Variants in ZNF467 observed in about 807,000 individuals in gnomAD.
ZNF467 encodes the protein zinc finger protein 467, also known as zinc finger protein EZI.
Under a neutral mutation model 47.8 loss-of-function variants are expected in ZNF467, and 51 were observed. That is an observed-to-expected ratio of 1.07 (90% CI 0.85 to 1.35). The LOEUF is 1.35. Ranked by LOEUF, ZNF467 falls within the 40% of genes most tolerant of loss-of-function variation. ZNF467 has a pLI of 0.00. For synonymous variants in ZNF467, 416 were observed against 372.9 expected (o/e 1.12, Z -1.33); for missense variants, 992 against 858.1 (o/e 1.16, Z -1.95).
chr7:149,765,582 C>CGTGCGCACT lies in ZNF467; in HGVS notation c.911_919dup (p.Gln304_Ala306dup), dbSNP rs760312064. The CGTGCGCACT allele has an allele frequency of 1.3e-6, 2 of 1,595,592 alleles. No homozygotes were observed. The highest frequency in any genetic ancestry group is 1.8e-5 in the Admixed American group (1 of 56,834). ...CAAGTGCTGCTTGTGCGTGAAGCTG[C>CGTGCGCACT]GTGCGCACTGTGCGCACTGGTAGGG... On this transcript the variant is annotated inframe_insertion, in exon 5 of 5. Transcript: ENST00000302017.
upstream of ZNF467, chr7:149,776,175 G>GCCCCCCCCCCCCCCGGTACA: frequency 8.7e-7 from 1 of 1,149,286 alleles, no homozygotes; most frequent in Non-Finnish European, 1.1e-6. Context: ...CAGACTCCGT[G>GCCCCCCCCCCCCCCGGTACA]CCCCCCACCC....
chr7:149,773,001 C>A (rs1427750074), intron 1 of ZNF467, 107 bp downstream of exon 1: 1 of 150,004 alleles, frequency 6.7e-6, no homozygotes, highest in Non-Finnish European at 1.5e-5. Context: ...GCCGTCCGCG[C>A]CCCTACCCCC....
At position 149,765,424 on chromosome 7, in the gene ZNF467, A is replaced by C. The variant is rs1799154038; in HGVS notation, c.1078T>G (p.Cys360Gly). ...TTTTTCCAGCCGAAGCTCAAGCCGC[A>C]GTCGGAGCACGCGAAAGGCTTTGGC... ...PGPKPFACSD[C>G]GLSFGWKKNL... Residue 360 changes from cysteine (C) to glycine (G), a missense_variant, in exon 5 of 5, where the codon TGC becomes GGC. Physicochemically the swap from Cys to Gly is radical, Grantham distance 159 (BLOSUM62 -3). Transcript: ENST00000302017. The C allele has an allele frequency of 6.3e-7, 1 of 1,578,146 alleles. No individual in the cohort carries two copies. Among genetic ancestry groups the C allele is most frequent in the African/African-American group, 1.3e-5 (1 of 74,464 alleles).
At chr7:149,771,900 C>T (rs1799426569) in intron 1 of ZNF467, among the ~76,000 whole-genome samples, 1 of 150,562 alleles carries the variant, frequency 6.6e-6, no homozygotes, top group East Asian at 2.0e-4. Flanking sequence ...AGGCCCCGTC[C>T]GGGTCGGCCC....
At chr7:149,770,287 T>C (rs1167372568) in intron 3 of ZNF467, among the ~76,000 whole-genome samples, 153 bp downstream of exon 3, 1 of 137,352 alleles carries the variant, frequency 7.3e-6, no homozygotes, top group African/African-American at 2.8e-5. Flanking sequence ...CCACACATAA[T>C]AGGTGCTCAA....
rs1297978683 is a variant in ZNF467, at chr7:149,764,753, G to T, written c.1749C>A (p.Ser583=). The T allele has an allele frequency of 1.3e-6, 2 of 1,537,748 alleles. No homozygotes were observed. The highest frequency in any genetic ancestry group is 1.8e-6 in the Non-Finnish European group (2 of 1,140,594). ...PDAALAAPAW[S]APPEVAPPPL... ...GGGGCGGCGCCACCTCGGGGGGAGC[G>T]GACCAGGCTGGGGCCGCAAGGGCGG... The change falls in exon 5 of 5, where the codon TCC becomes TCA. Residue 583 remains serine, a synonymous_variant. Coordinates refer to ENST00000302017, the MANE Select transcript of ZNF467 (RefSeq NM_207336.3).
intron 4 of ZNF467, among the ~76,000 whole-genome samples, chr7:149,767,736 G>A (rs1056122121): frequency 3.3e-5 from 5 of 152,128 alleles, no homozygotes; most frequent in African/African-American, 1.2e-4. Context: ...TACTTTTTCA[G>A]AGATGGGGTC....
upstream of ZNF467, among the ~76,000 whole-genome samples, chr7:149,774,580 G>C (rs892286753): frequency 1.3e-5 from 2 of 152,124 alleles, no homozygotes; most frequent in African/African-American, 4.8e-5. This position sits in a 1 kb window ranked among gnomAD's most constrained non-coding sequence, Gnocchi z 5.7. Flanking sequence ...CCCATCACTC[G>C]GGCTCAGCTG....
At position 149,765,349 on chromosome 7, in the gene ZNF467, C is replaced by G; in HGVS notation, c.1153G>C (p.Gly385Arg). 2 of 1,532,578 alleles carry G rather than the reference C, an allele frequency of 1.3e-6. No homozygotes were observed. Among genetic ancestry groups the G allele is most frequent in the Non-Finnish European group, 1.8e-6 (2 of 1,138,018 alleles). 94.9% of individuals were successfully genotyped at this position (1,532,578 alleles called of 1,614,324 possible). Reference sequence around the variant, plus strand: ...GCGCCCAGTGCGCACTCATCGCACCCAAAGGGGCGACCCTCGCTGCGGTGC... The same window carrying G: ...GCGCCCAGTGCGCACTCATCGCACCGAAAGGGGCGACCCTCGCTGCGGTGC... The part of the protein sequence containing the change: ...CLHRSEGRPF[G>R]CDECALGATV... The change falls in exon 5 of 5, where the codon GGG becomes CGG. Residue 385 changes from glycine (G) to arginine (R), a missense_variant. Physicochemically the swap from Gly to Arg is moderately radical, Grantham distance 125. Coordinates refer to ENST00000302017, the MANE Select transcript of ZNF467 (RefSeq NM_207336.3).
intron 4 of ZNF467, among the ~76,000 whole-genome samples, chr7:149,766,949 A>G (rs1161170407): frequency 6.6e-6 from 1 of 152,202 alleles, no homozygotes; most frequent in African/African-American, 2.4e-5. Context: ...CTGGGGAACT[A>G]GTGAACACTG....
intron 1 of ZNF467, among the ~76,000 whole-genome samples, chr7:149,771,474 T>A (rs183475976): frequency 6.6e-6 from 1 of 152,112 alleles, no homozygotes; most frequent in African/African-American, 2.4e-5. Context: ...ATCTCCCAGG[T>A]CCTCCAGCTG....
At chr7:149,770,870 G>A in intron 2 of ZNF467, 129 bp downstream of exon 2, 1 of 1,156,218 alleles carries the variant, frequency 8.6e-7, no homozygotes. Flanking sequence ...TACAGAAAAG[G>A]AGGCTGACCT....
In ZNF467 at chr7:149,773,128, C is replaced by T. The variant is rs938547882; in HGVS notation, c.-63G>A. 2 of 149,878 alleles carry T rather than the reference C, an allele frequency of 1.3e-5. No homozygotes were observed. Among genetic ancestry groups the T allele is most frequent in the African/African-American group, 4.9e-5 (2 of 40,668 alleles). The allele number at this position is 149,878 out of a possible 1,614,324, so 9.3% of individuals were successfully genotyped here. On this transcript the variant is annotated 5_prime_UTR_variant, in exon 1 of 5. Coordinates refer to ENST00000302017, the MANE Select transcript of ZNF467 (RefSeq NM_207336.3). ...CTTACCTGGCTGGCCGGCCGCTCCG[C>T]CCGCGCCGCGGGGACCCAGGCGCCC... is the stretch of plus-strand genomic sequence containing the variant.
At chr7:149,774,391 C>G (rs556347388), upstream of ZNF467, among the ~76,000 whole-genome samples, 4 of 152,358 alleles carry the variant, frequency 2.6e-5, no homozygotes, top group African/African-American at 9.6e-5. The surrounding 1 kb of genome is among the most constrained non-coding windows in gnomAD (Gnocchi z 5.7). Flanking sequence ...CCAGCTTCCT[C>G]CCTTCTGCCC....
chr7:149,770,392 A>G, intron 3 of ZNF467, 48 bp downstream of exon 3: 2 of 1,395,926 alleles, frequency 1.4e-6, no homozygotes, highest in Non-Finnish European at 2.0e-6. Context: ...GGCAGGAGGA[A>G]AGCAGGGGGA....
upstream of ZNF467, among the ~76,000 whole-genome samples, chr7:149,775,223 C>T (rs855676): frequency 0.21 from 31,273 of 152,146 alleles, 4,279 homozygotes; most frequent in African/African-American, 0.4. Flanking sequence ...CTAGGAGACC[C>T]TCGAAGAAGG....
At chr7:149,775,351 G>A (rs757782496), upstream of ZNF467, among the ~76,000 whole-genome samples, 1 of 152,160 alleles carries the variant, frequency 6.6e-6, no homozygotes, top group Non-Finnish European at 1.5e-5. Flanking sequence ...AGCTACCCTA[G>A]AAGTGCTCCC....
chr7:149,775,691 G>A (rs2117489211), upstream of ZNF467, among the ~76,000 whole-genome samples: 1 of 150,594 alleles, frequency 6.6e-6, no homozygotes, highest in South Asian at 2.1e-4. Context: ...TTGTGGTAGT[G>A]CCTGAGAGTG....
In ZNF467 at chr7:149,769,130, C is replaced by T. The variant is rs151076217; in HGVS notation, c.222G>A (p.Ala74=). ...CAGGCTGAGCCTTCTGTGCTGAGCA[C>T]GCCTGGCCTCTGCAGGGAGCCTCGG... ...EQAEAPCRGQ[A]CSAQKAQPVG... The change falls in exon 4 of 5, where the codon GCG becomes GCA. Residue 74 remains alanine (A), a synonymous_variant. Coordinates refer to ENST00000302017, the MANE Select transcript of ZNF467 (RefSeq NM_207336.3). This position sits in a 1 kb window ranked among gnomAD's most constrained non-coding sequence, Gnocchi z 5.3. 164 of 1,560,328 alleles carry T rather than the reference C, an allele frequency of 1.1e-4. No homozygotes were observed. Among genetic ancestry groups the T allele is most frequent in the African/African-American group, 9.8e-4 (72 of 73,652 alleles).
Sources: gnomAD v4.1 joint callset for allele counts (sites outside exome capture counted in the v4.1 genomes callset) on GRCh38, gnomAD v4.1.1 for gene constraint, Gnocchi (gnomAD v3.1) non-coding constraint, MANE v1.5 for transcripts, NCBI Gene and HGNC (gene_info 2026-07-23, HGNC 2026-07-21) for gene names.